The following SCAPER variants were observed in gnomAD, a reference collection of about 807,000 sequenced individuals.
The protein encoded by SCAPER is S phase cyclin A-associated protein in the endoplasmic reticulum.
SCAPER carries 98 observed loss-of-function variants against 182.2 expected under a neutral mutation model. The observed-to-expected ratio is 0.54, with a 90% confidence interval of 0.46 to 0.64. SCAPER has a LOEUF of 0.64. SCAPER is among the 30% of genes least tolerant of loss of function. SCAPER has a pLI of 0.00. For synonymous variants in SCAPER, 605 were observed against 564.6 expected, an observed-to-expected ratio of 1.07 and a Z score of -1.01; for missense variants, 1,432 against 1,690.0, an observed-to-expected ratio of 0.85 and a Z score of 2.68.
chr15:76,422,874 T>C (rs1471485945), intron 26 of SCAPER, among the ~76,000 whole-genome samples: 2 of 152,200 alleles, frequency 1.3e-5, no homozygotes, highest in African/African-American at 4.8e-5. Context: ...TCTGTTGAGA[T>C]AATCATGTGG....
chr15:76,357,150 TCA>T (rs55912416), intron 29 of SCAPER, among the ~76,000 whole-genome samples: 2,456 of 128,918 alleles, frequency 0.019, 73 homozygotes, highest in African/African-American at 0.064. Flanking sequence ...TTTATTGACA[TCA>T]CACACACACA....
chr15:76,561,099 C>T (rs778779977), intron 23 of SCAPER, among the ~76,000 whole-genome samples: 67 of 152,154 alleles, frequency 4.4e-4, no homozygotes, highest in Middle Eastern at 3.4e-3. Flanking sequence ...TTACTCACTG[C>T]GTGAGGCAAT....
At chr15:76,553,699 A>G (rs1034108035) in intron 23 of SCAPER, among the ~76,000 whole-genome samples, 22 of 152,212 alleles carry the variant, frequency 1.4e-4, no homozygotes, top group East Asian at 1.3e-3. Context: ...AAGAGCACAC[A>G]GCCAAGGAGT....
chr15:76,631,794 T>C (rs1245408336), intron 21 of SCAPER, among the ~76,000 whole-genome samples: 1 of 152,176 alleles, frequency 6.6e-6, no homozygotes, highest in Non-Finnish European at 1.5e-5. Context: ...AGTATCTTAC[T>C]GGGGTTCTTT....
chr15:76,440,555 C>CAGAATATGAAT (rs2047493939), intron 25 of SCAPER, among the ~76,000 whole-genome samples: 1 of 152,094 alleles, frequency 6.6e-6, no homozygotes, highest in East Asian at 1.9e-4. Context: ...ACAGAATGCT[C>CAGAATATGAAT]AGAATATGAA....
intron 5 of SCAPER, among the ~76,000 whole-genome samples, chr15:76,841,349 T>G (rs2069458255): frequency 6.6e-6 from 1 of 152,150 alleles, no homozygotes; most frequent in African/African-American, 2.4e-5. Context: ...AAAAGTAAGA[T>G]AAATGATCCA....
chr15:76,764,539 C>T (rs958801985), intron 14 of SCAPER, among the ~76,000 whole-genome samples: 4 of 152,216 alleles, frequency 2.6e-5, no homozygotes, highest in African/African-American at 9.7e-5. Flanking sequence ...GCTTGCATTC[C>T]TCTAGCTGAA....
intron 5 of SCAPER, among the ~76,000 whole-genome samples, chr15:76,816,956 GTAACATAATTTA>G (rs2067137005): frequency 6.6e-6 from 1 of 152,200 alleles, no homozygotes; most frequent in Admixed American, 6.5e-5. Flanking sequence ...CTGGCTGCCA[GTAACATAATTTA>G]TTATCATCAT....
chr15:76,711,682 G>A (rs1158203924), intron 17 of SCAPER, among the ~76,000 whole-genome samples: 1 of 152,114 alleles, frequency 6.6e-6, no homozygotes, highest in Non-Finnish European at 1.5e-5. Context: ...TTTCTTTGAT[G>A]GCCAGTGATG....
intron 25 of SCAPER, among the ~76,000 whole-genome samples, chr15:76,439,650 G>A (rs1286105970): frequency 6.6e-6 from 1 of 152,206 alleles, no homozygotes; most frequent in African/African-American, 2.4e-5. Context: ...TGGGCAATGT[G>A]TGCAAGCAAC....
intron 23 of SCAPER, among the ~76,000 whole-genome samples, chr15:76,556,726 G>A (rs571558343): frequency 6.6e-6 from 1 of 150,776 alleles, no homozygotes; most frequent in South Asian, 2.2e-4. Flanking sequence ...AATTGAATCA[G>A]TAATAAGCCT....
At chr15:76,769,963 A>T (rs1231539269) in intron 10 of SCAPER, among the ~76,000 whole-genome samples, 1 of 152,236 alleles carries the variant, frequency 6.6e-6, no homozygotes, top group Non-Finnish European at 1.5e-5. Context: ...CCAAATGTCC[A>T]TCAATGATAG....
chr15:76,732,082 C>T (rs899961845), intron 16 of SCAPER, among the ~76,000 whole-genome samples: 2 of 152,106 alleles, frequency 1.3e-5, no homozygotes, highest in Admixed American at 6.6e-5. Flanking sequence ...AAAGAGAACA[C>T]ACTATCTTTT....
chr15:76,491,579 G>A (rs2052312036), intron 24 of SCAPER, among the ~76,000 whole-genome samples: 1 of 152,212 alleles, frequency 6.6e-6, no homozygotes, highest in East Asian at 1.9e-4. Flanking sequence ...AGTAGTATAT[G>A]TAGTTCCAAC....
intron 23 of SCAPER, among the ~76,000 whole-genome samples, chr15:76,538,445 T>G (rs905853005): frequency 3.3e-5 from 5 of 151,760 alleles, no homozygotes; most frequent in Non-Finnish European, 7.4e-5. Context: ...AAATCATCAT[T>G]CTCAGTAAAC....
At chr15:76,431,342 T>C (rs1392479783) in intron 26 of SCAPER, among the ~76,000 whole-genome samples, 1 of 152,156 alleles carries the variant, frequency 6.6e-6, no homozygotes, top group Non-Finnish European at 1.5e-5. Context: ...TGGCCATACT[T>C]TGAATTGAAA....
intron 5 of SCAPER, among the ~76,000 whole-genome samples, chr15:76,824,765 G>A (rs958195164): frequency 3.3e-5 from 5 of 151,890 alleles, no homozygotes; most frequent in East Asian, 3.9e-4. Flanking sequence ...TAATCTATTT[G>A]CAAAAAGAAT....
At chr15:76,857,601 C>T (rs887877198) in intron 4 of SCAPER, among the ~76,000 whole-genome samples, 6 of 152,012 alleles carry the variant, frequency 3.9e-5, no homozygotes, top group African/African-American at 7.3e-5. Context: ...TCGAAGGGTA[C>T]GAGAACCAAA....
chr15:76,761,901 T>C (rs535072375), intron 14 of SCAPER, among the ~76,000 whole-genome samples: 2 of 152,342 alleles, frequency 1.3e-5, no homozygotes, highest in African/African-American at 2.4e-5. Flanking sequence ...CCTACTGTTA[T>C]TGTATTGCTG....
Sources: allele counts gnomAD v4.1 joint callset (sites outside exome capture counted in the v4.1 genomes callset), GRCh38; gene constraint gnomAD v4.1.1; transcripts MANE v1.5; gene names NCBI Gene and HGNC (gene_info 2026-07-23, HGNC 2026-07-21).